Variants in MORC1 observed in about 807,000 individuals in gnomAD.
MORC1 encodes MORC family CW-type zinc finger 1, also known as MORC family CW-type zinc finger protein 1.
MORC1 carries 59 observed loss-of-function variants against 134.9 expected under a neutral mutation model. The ratio of observed to expected loss-of-function variants is 0.44; its 90% CI spans 0.35 to 0.54. The LOEUF is 0.54. Among genes scored for constraint, MORC1 ranks in the 20% least tolerant of loss-of-function variants. The pLI, the probability that MORC1 is intolerant of heterozygous loss-of-function variation, is 0.00. For missense variants in MORC1, 947 were observed against 1,134.5 expected, an observed-to-expected ratio of 0.83 and a Z score of 2.37; for synonymous variants, 395 against 391.7, an observed-to-expected ratio of 1.01 and a Z score of -0.10.
intron 17 of MORC1, among the ~76,000 whole-genome samples, chr3:109,023,568 A>T (rs1949008325): frequency 6.6e-6 from 1 of 152,174 alleles, no homozygotes; most frequent in East Asian, 1.9e-4. Context: ...TTTAGATGGT[A>T]CCATAAAATC....
intron 13 of MORC1, among the ~76,000 whole-genome samples, chr3:109,055,555 T>C (rs1033311505): frequency 6.6e-6 from 1 of 152,212 alleles, no homozygotes; most frequent in Non-Finnish European, 1.5e-5. Flanking sequence ...CTATTCATTC[T>C]CTAAGTCTAA....
intron 21 of MORC1, among the ~76,000 whole-genome samples, chr3:108,995,976 T>G (rs549380389): frequency 7.8e-4 from 119 of 152,180 alleles, no homozygotes; most frequent in African/African-American, 2.8e-3. Flanking sequence ...TGAATTCATG[T>G]AGGGGACAGT....
rs1460915720 is a variant in MORC1 at position 109,061,969 on chromosome 3, C to T, written c.966+19G>A. On this transcript the variant is annotated intron_variant, in intron 11 of 27. Coordinates refer to ENST00000232603, the MANE Select transcript of MORC1 (RefSeq NM_014429.4). ...CACAATTTGCCATTTAATAAGACTA[C>T]TCTCTTTACATGTCGTACCTTGGCA... 18 of 1,609,620 alleles carry T rather than the reference C, an allele frequency of 1.1e-5. No homozygotes were observed. The South Asian group carries it at 1.6e-4, about 15-fold the overall frequency.
At chr3:108,996,514 A>AT (rs970505631) in intron 21 of MORC1, among the ~76,000 whole-genome samples, 6 of 152,306 alleles carry the variant, frequency 3.9e-5, no homozygotes, top group Non-Finnish European at 7.4e-5. Context: ...AAGGATTAAG[A>AT]TTTTGTAAAG....
intron 16 of MORC1, 40 bp from the exon 17 acceptor site, chr3:109,027,929 T>TCTC (rs1242404036): frequency 6.3e-7 from 1 of 1,596,320 alleles, no homozygotes; most frequent in Admixed American, 1.7e-5. Flanking sequence ...TCAGGAGAAA[T>TCTC]ATAAAACTAC....
intron 17 of MORC1, among the ~76,000 whole-genome samples, chr3:109,014,295 C>T (rs1334728787): frequency 6.6e-6 from 1 of 152,062 alleles, no homozygotes; most frequent in Non-Finnish European, 1.5e-5. Flanking sequence ...ATTGTAAACT[C>T]CCAATTATTT....
chr3:109,053,701 T>C (rs971800889), intron 14 of MORC1, among the ~76,000 whole-genome samples: 1 of 152,128 alleles, frequency 6.6e-6, no homozygotes, highest in Non-Finnish European at 1.5e-5. Flanking sequence ...ACAAGTTTAG[T>C]CATATCCCAA....
At chr3:108,963,119 G>A (rs1031432173) in intron 27 of MORC1, among the ~76,000 whole-genome samples, 6 of 151,648 alleles carry the variant, frequency 4.0e-5, no homozygotes, top group African/African-American at 1.2e-4. Context: ...AACCCAGGAG[G>A]CGGAGGTTGC....
intron 14 of MORC1, among the ~76,000 whole-genome samples, chr3:109,040,491 A>AGG (rs1949511204): frequency 6.9e-6 from 1 of 144,156 alleles, no homozygotes; most frequent in Non-Finnish European, 1.5e-5. Context: ...AAAGAAAGGA[A>AGG]AGAAAAGAAA....
intron 23 of MORC1, among the ~76,000 whole-genome samples, chr3:108,980,971 GT>G (rs1290625373): frequency 6.6e-6 from 1 of 152,114 alleles, no homozygotes; most frequent in East Asian, 1.9e-4. Flanking sequence ...ACCATTGGAA[GT>G]TTTCAGGCAT....
chr3:108,985,293 G>T (rs183134254), intron 22 of MORC1, among the ~76,000 whole-genome samples: 1 of 152,316 alleles, frequency 6.6e-6, no homozygotes, highest in East Asian at 1.9e-4. Flanking sequence ...ACAGAACTTG[G>T]TGATTTATTT....
intron 14 of MORC1, among the ~76,000 whole-genome samples, chr3:109,041,318 A>AG (rs1450140202): frequency 6.6e-6 from 1 of 152,072 alleles, no homozygotes; most frequent in African/African-American, 2.4e-5. Flanking sequence ...CTCAAAAAAA[A>AG]AGAAAAAAAA....
At chr3:108,984,345 G>A (rs1011385231) in intron 23 of MORC1, among the ~76,000 whole-genome samples, 4 of 151,838 alleles carry the variant, frequency 2.6e-5, no homozygotes, top group Non-Finnish European at 5.9e-5. Flanking sequence ...ATAATTACAT[G>A]TATGTATGAC....
At chr3:108,976,244 C>T (rs16855073) in intron 24 of MORC1, among the ~76,000 whole-genome samples, 26,239 of 152,086 alleles carry the variant, frequency 0.17, 2,347 homozygotes, top group South Asian at 0.21. Flanking sequence ...ATAAGGATGA[C>T]GTCACGTCCA....
intron 26 of MORC1, among the ~76,000 whole-genome samples, chr3:108,968,331 G>A (rs927584343): frequency 4.6e-5 from 7 of 152,210 alleles, no homozygotes; most frequent in African/African-American, 1.7e-4. Context: ...GTTTATCACC[G>A]TCCAGTTGAT....
chr3:109,023,157 A>C (rs1296865976), intron 17 of MORC1, among the ~76,000 whole-genome samples: 1 of 152,240 alleles, frequency 6.6e-6, no homozygotes, highest in Admixed American at 6.5e-5. Context: ...TGGATCTTGA[A>C]GGACTGGAGA....
At chr3:109,078,683 A>C (rs1203945031) in intron 8 of MORC1, among the ~76,000 whole-genome samples, 1 of 151,916 alleles carries the variant, frequency 6.6e-6, no homozygotes, top group Non-Finnish European at 1.5e-5. Context: ...GAAAATAAAG[A>C]AATGTAAAAT....
intron 8 of MORC1, among the ~76,000 whole-genome samples, chr3:109,093,199 T>C (rs1457233356): frequency 6.6e-6 from 1 of 152,198 alleles, no homozygotes; most frequent in Non-Finnish European, 1.5e-5. Flanking sequence ...CTGGACATTC[T>C]GACTCAGCAG....
chr3:109,001,843 T>C (rs1275399557), intron 20 of MORC1, among the ~76,000 whole-genome samples: 1 of 152,220 alleles, frequency 6.6e-6, no homozygotes, highest in African/African-American at 2.4e-5. Context: ...GACTTTTCTC[T>C]TGGCACATCC....
Sources: allele counts gnomAD v4.1 joint callset (sites outside exome capture counted in the v4.1 genomes callset), GRCh38; gene constraint gnomAD v4.1.1; transcripts MANE v1.5; gene names NCBI Gene and HGNC (gene_info 2026-07-23, HGNC 2026-07-21).